NFILZ: variants seen among roughly 807,000 people sequenced by gnomAD.
The protein encoded by NFILZ is NFIL3 like basic leucine zipper, also known as NFIL3 like protein.
rs1455833573 is a variant in NFILZ, at chr19:8,678,447, C to T, written c.*812C>T. Reference sequence around the variant, plus strand: ...ATCCATCCTCATCCACTCATCCACCCATCCTCACCTATCCATCCATCCACC... The same window carrying T: ...ATCCATCCTCATCCACTCATCCACCTATCCTCACCTATCCATCCATCCACC... On this transcript the variant is annotated 3_prime_UTR_variant, in exon 6 of 6. Coordinates refer to ENST00000691075, the MANE Select transcript of NFILZ (RefSeq NM_001378600.1). 1.3e-5 allele frequency among the ~76,000 whole-genome samples: 2 copies of T among 151,382 alleles called. No individual in the cohort carries two copies. The highest frequency in any genetic ancestry group is 3.0e-5 in the Non-Finnish European group (2 of 67,784).
rs2042975856 is a variant in NFILZ at position 8,653,043 on chromosome 19, TCTCTCTCTCTCTCTC to T, written c.-164+17298_-164+17312del. ...TTCTTTCTTTCTTTCTTTCTTTCTCTCTCTCTCTCTCTCTCTCTCTCTCTCTCTCTCTCTCTCTCT... is the reference window on the plus strand; with the variant it reads ...TTCTTTCTTTCTTTCTTTCTTTCTCTTCTCTCTCTCTCTCTCTCTCTCTCT... On this transcript the variant is annotated intron_variant, in intron 3 of 5. Coordinates refer to ENST00000691075, the MANE Select transcript of NFILZ (RefSeq NM_001378600.1). Among the ~76,000 whole-genome samples the T allele has an allele frequency of 2.3e-3, 156 of 69,128 alleles. 2 individuals carry two copies. The highest frequency in any genetic ancestry group is 0.012 in the East Asian group (32 of 2,576). 45.4% of individuals were successfully genotyped at this position (69,128 alleles called of 152,430 possible). A position where few individuals can be genotyped will look rare whatever the true frequency, so the allele number is the denominator to read the frequency against.
intron 3 of NFILZ, among the ~76,000 whole-genome samples, chr19:8,656,638 A>G (rs1650916): frequency 0.069 from 10,482 of 152,132 alleles, 606 homozygotes; most frequent in East Asian, 0.34. Context: ...CTCCCCACAC[A>G]GCACAGCTGC....
At chr19:8,642,497 C>T (rs1481503632) in intron 3 of NFILZ, among the ~76,000 whole-genome samples, 3 of 152,018 alleles carry the variant, frequency 2.0e-5, no homozygotes, top group South Asian at 2.1e-4. Flanking sequence ...TTTAGCCAGG[C>T]GGTTCTTCTG....
intron 3 of NFILZ, among the ~76,000 whole-genome samples, chr19:8,660,505 T>C (rs1346534801): frequency 2.6e-5 from 4 of 152,098 alleles, no homozygotes; most frequent in Non-Finnish European, 5.9e-5. Context: ...CTAAGTAGTA[T>C]TGAATTGTGT....
At chr19:8,637,644 C>A (rs546270633) in intron 3 of NFILZ, among the ~76,000 whole-genome samples, 1 of 148,256 alleles carries the variant, frequency 6.7e-6, no homozygotes, top group African/African-American at 2.5e-5. Flanking sequence ...CAGTGGCTCA[C>A]GCCTGTAATT....
rs932244544 is a variant in NFILZ at position 8,677,258 on chromosome 19, G to A, written c.493G>A (p.Ala165Thr). Among the ~76,000 whole-genome samples, 1 of 152,220 alleles carries A rather than the reference G, an allele frequency of 6.6e-6. No homozygotes were observed. Among genetic ancestry groups the A allele is most frequent in the Non-Finnish European group, 1.5e-5 (1 of 68,032 alleles). Residue 165 changes from alanine (A) to threonine (T), a missense_variant, in exon 6 of 6, where the codon GCC becomes ACC. By Grantham distance (58) the Ala-to-Thr change is moderately conservative (BLOSUM62 0). Coordinates refer to ENST00000691075, the MANE Select transcript of NFILZ (RefSeq NM_001378600.1). ...GCTGGCTCCCAGATGGACTGGCTTG[G>A]CCACTTCTCCTAGGTCCCCCCAAGA... ...CLLAPRWTGLATSPRSPQESA... is the reference protein window; with the variant it reads ...CLLAPRWTGLTTSPRSPQESA...
At chr19:8,661,641 C>G (rs1457520445) in intron 3 of NFILZ, among the ~76,000 whole-genome samples, 3 of 152,140 alleles carry the variant, frequency 2.0e-5, no homozygotes, top group African/African-American at 7.2e-5. Context: ...CCTGTAATCC[C>G]AACACTTTGG....
chr19:8,656,457 T>C lies in NFILZ; in HGVS notation c.-163-18094T>C, dbSNP rs868948594. 2.8e-3 allele frequency among the ~76,000 whole-genome samples: 164 copies of C among 59,588 alleles called. 12 individuals carry two copies. Among genetic ancestry groups the C allele is most frequent in the African/African-American group, 8.6e-3 (129 of 15,046 alleles). 39.1% of individuals were successfully genotyped at this position (59,588 alleles called of 152,430 possible). On this transcript the variant is annotated intron_variant, in intron 3 of 5. Coordinates refer to ENST00000691075, the MANE Select transcript of NFILZ (RefSeq NM_001378600.1). ...CCCACCTTCTCCTCGAAGCCCACCT[T>C]CTCTCTGAAGCCCACCTTCTCCCGC...
rs1270197286 is a variant in NFILZ at position 8,642,522 on chromosome 19, G to A, written c.-164+6776G>A. ...CGGTTCTTCTGTCGGTCTTGCTTGG[G>A]CCCATGCATGTGGCTACAGTTAGCT... On this transcript the variant is annotated intron_variant, in intron 3 of 5. Transcript: ENST00000691075. Among the ~76,000 whole-genome samples, 3 of 152,080 alleles carry A rather than the reference G, an allele frequency of 2.0e-5. 1 individual carries two copies. The highest frequency in any genetic ancestry group is 2.4e-5 in the African/African-American group (1 of 41,414).
At chr19:8,663,740 G>GTT (rs1600151892) in intron 3 of NFILZ, among the ~76,000 whole-genome samples, 4 of 131,738 alleles carry the variant, frequency 3.0e-5, no homozygotes, top group East Asian at 5.2e-4. Flanking sequence ...GTGTGTGTGT[G>GTT]TGTGTGTGTG....
At chr19:8,662,975 T>A (rs1170372041) in intron 3 of NFILZ, among the ~76,000 whole-genome samples, 3 of 148,778 alleles carry the variant, frequency 2.0e-5, no homozygotes, top group African/African-American at 7.5e-5. Context: ...AGAGACAGCG[T>A]CTCACTTTGT....
chr19:8,653,268 A>G (rs1322594809), intron 3 of NFILZ, among the ~76,000 whole-genome samples: 3 of 151,894 alleles, frequency 2.0e-5, no homozygotes, highest in Non-Finnish European at 4.4e-5. Context: ...TTTAGTAGAG[A>G]CAGGGATTCG....
chr19:8,646,531 C>A (rs2042939887), intron 3 of NFILZ, among the ~76,000 whole-genome samples: 1 of 152,118 alleles, frequency 6.6e-6, no homozygotes. Context: ...CCAGTAATGC[C>A]AGAGGCTGCA....
chr19:8,656,575 C>T (rs570106397), intron 3 of NFILZ, among the ~76,000 whole-genome samples: 1 of 151,834 alleles, frequency 6.6e-6, no homozygotes, highest in Non-Finnish European at 1.5e-5. Context: ...CTGGCTCCAA[C>T]CTCCTGTCCT....
At chr19:8,664,442 C>T (rs1056991225) in intron 3 of NFILZ, among the ~76,000 whole-genome samples, 2 of 147,900 alleles carry the variant, frequency 1.4e-5, no homozygotes, top group African/African-American at 4.9e-5. Context: ...GAGATACCAA[C>T]GGCTTCCGGT....
intron 3 of NFILZ, among the ~76,000 whole-genome samples, chr19:8,662,472 G>A (rs1555749230): frequency 6.6e-6 from 1 of 152,054 alleles, no homozygotes; most frequent in Non-Finnish European, 1.5e-5. Flanking sequence ...AGACCCTGAG[G>A]CAGGACTGCA....
Position 8,679,269 on chromosome 19 carries a change from C to CATTATTATTATT in NFILZ, c.*1660_*1671dup, listed in dbSNP as rs55926423. ...TCAGTTTCTCACTCAGCCCCTCTCC[C>CATTATTATTATT]ATTATTATTATTATTATTATTATTA... On this transcript the variant is annotated 3_prime_UTR_variant, in exon 6 of 6. Transcript: ENST00000691075. Among the ~76,000 whole-genome samples, 125 of 145,852 alleles carry CATTATTATTATT rather than the reference C, an allele frequency of 8.6e-4. No individual in the cohort carries two copies. Among genetic ancestry groups the CATTATTATTATT allele is most frequent in the African/African-American group, 2.7e-3 (107 of 39,142 alleles).
chr19:8,663,115 T>C (rs1465976991), intron 3 of NFILZ, among the ~76,000 whole-genome samples: 1 of 151,772 alleles, frequency 6.6e-6, no homozygotes, highest in African/African-American at 2.4e-5. Flanking sequence ...GCCTGGGTTT[T>C]GTTTTGTTTT....
intron 3 of NFILZ, among the ~76,000 whole-genome samples, 21 bp from the exon 4 acceptor site, chr19:8,674,530 C>CT (rs34710911): frequency 0.11 from 14,932 of 140,716 alleles, 1,525 homozygotes; most frequent in African/African-American, 0.27. Context: ...CAAAACTAAA[C>CT]TTTTTTTTTT....
Sources: allele counts gnomAD v4.1 joint callset (sites outside exome capture counted in the v4.1 genomes callset), GRCh38; gene constraint gnomAD v4.1.1; transcripts MANE v1.5; gene names NCBI Gene and HGNC (gene_info 2026-07-23, HGNC 2026-07-21).